Variants in DKK2 observed in about 807,000 individuals in gnomAD.
DKK2 encodes the protein dickkopf-related protein 2.
DKK2 carries 11 observed loss-of-function variants against 28.1 expected under a neutral mutation model. That is an observed-to-expected ratio of 0.39 (90% CI 0.25 to 0.65). DKK2 has a LOEUF of 0.65. Ranked by LOEUF, DKK2 falls within the 30% of genes least tolerant of loss-of-function variation. DKK2 has a pLI of 0.47. For synonymous variants in DKK2, 135 were observed against 126.5 expected, an observed-to-expected ratio of 1.07 and a Z score of -0.45; for missense variants, 326 against 335.5, an observed-to-expected ratio of 0.97 and a Z score of 0.22.
chr4:107,004,726 T>G (rs1723412189), intron 1 of DKK2, among the ~76,000 whole-genome samples: 1 of 152,186 alleles, frequency 6.6e-6, no homozygotes, highest in Non-Finnish European at 1.5e-5. Flanking sequence ...GACTTTTGTA[T>G]GGGAAGGTTA....
At chr4:106,950,932 C>T (rs1426276704) in intron 1 of DKK2, among the ~76,000 whole-genome samples, 1 of 152,054 alleles carries the variant, frequency 6.6e-6, no homozygotes, top group Non-Finnish European at 1.5e-5. Flanking sequence ...CATATATTAC[C>T]AGCCCCGCAA....
At chr4:106,988,803 A>T (rs1438590065) in intron 1 of DKK2, among the ~76,000 whole-genome samples, 1 of 152,200 alleles carries the variant, frequency 6.6e-6, no homozygotes, top group African/African-American at 2.4e-5. Flanking sequence ...TCTCCAATCC[A>T]AGGGTCAACG....
intron 1 of DKK2, among the ~76,000 whole-genome samples, chr4:106,986,926 A>G (rs1157682313): frequency 1.3e-5 from 2 of 152,216 alleles, no homozygotes; most frequent in Non-Finnish European, 2.9e-5. Context: ...CTAAAATTAA[A>G]TACTTTATCC....
At chr4:106,933,160 T>C (rs1019163990) in intron 1 of DKK2, among the ~76,000 whole-genome samples, 1 of 152,140 alleles carries the variant, frequency 6.6e-6, no homozygotes, top group African/African-American at 2.4e-5. Context: ...ACTGTCCTGG[T>C]GATGATACAA....
intron 1 of DKK2, among the ~76,000 whole-genome samples, chr4:107,020,374 A>C (rs989441853): frequency 6.6e-6 from 1 of 152,078 alleles, no homozygotes; most frequent in African/African-American, 2.4e-5. Context: ...CCTCCTGGAA[A>C]GTGATGGGAA....
At chr4:106,994,157 T>C (rs1196011708) in intron 1 of DKK2, among the ~76,000 whole-genome samples, 1 of 152,232 alleles carries the variant, frequency 6.6e-6, no homozygotes, top group Non-Finnish European at 1.5e-5. Context: ...TAAGTTCACA[T>C]ACCATCCTTT....
intron 1 of DKK2, among the ~76,000 whole-genome samples, chr4:107,029,748 G>A (rs1723848200): frequency 6.6e-6 from 1 of 151,900 alleles, no homozygotes; most frequent in Admixed American, 6.6e-5. Flanking sequence ...ATTTTTATTT[G>A]TTTTGTCATT....
Position 107,032,432 on chromosome 4 carries a change from A to G in DKK2, c.222+2938T>C, listed in dbSNP as rs182390923. Among the ~76,000 whole-genome samples the G allele has an allele frequency of 9.9e-5, 15 of 152,182 alleles. No individual in the cohort carries two copies. The East Asian group carries it at 2.9e-3, about 29-fold the overall frequency. ...AGAATTCCTGTAAATAAGAATGTTT[A>G]TCTTTATATGAAATCAGGCAACTTT... is the stretch of plus-strand genomic sequence containing the variant. On this transcript the variant is annotated intron_variant, in intron 1 of 3. Coordinates refer to ENST00000285311, the MANE Select transcript of DKK2 (RefSeq NM_014421.3).
Position 106,979,077 on chromosome 4 carries a change from G to GT in DKK2, c.223-53129dup, listed in dbSNP as rs374755061. 6.2e-3 allele frequency among the ~76,000 whole-genome samples: 932 copies of GT among 149,166 alleles called. 8 individuals are homozygous for GT. Among genetic ancestry groups the GT allele is most frequent in the African/African-American group, 0.019 (783 of 40,722 alleles). ...TCAAAGGTTTTTTGTTTTTGTTTTTGTTTTTTTTTCAGAATTTATAAAACT... is the reference window on the plus strand; with the variant it reads ...TCAAAGGTTTTTTGTTTTTGTTTTTGTTTTTTTTTTCAGAATTTATAAAACT... On this transcript the variant is annotated intron_variant, in intron 1 of 3. Coordinates refer to ENST00000285311, the MANE Select transcript of DKK2 (RefSeq NM_014421.3).
chr4:107,013,143 T>C (rs1723539040), intron 1 of DKK2, among the ~76,000 whole-genome samples: 1 of 151,138 alleles, frequency 6.6e-6, no homozygotes, highest in South Asian at 2.1e-4. Flanking sequence ...GTTTGGGTAA[T>C]CTATTTAAAA....
At chr4:106,930,017 C>T (rs778689479) in intron 1 of DKK2, among the ~76,000 whole-genome samples, 3 of 152,082 alleles carry the variant, frequency 2.0e-5, no homozygotes, top group Non-Finnish European at 4.4e-5. Flanking sequence ...GAAAAATATA[C>T]TTGGCCACAT....
Position 106,982,889 on chromosome 4 carries a change from A to C in DKK2, c.222+52481T>G, listed in dbSNP as rs375098113. Among the ~76,000 whole-genome samples the C allele has an allele frequency of 2.6e-4, 40 of 151,078 alleles. 2 individuals are homozygous for C. Among genetic ancestry groups the C allele is most frequent in the Middle Eastern group, 6.9e-3 (2 of 288 alleles). The stretch of plus-strand genomic sequence containing the variant: ...TCCATCTCAAAAAAAAAAAAAATCA[A>C]TGGAGAAAGCATAGTCGCCTTCTAT... On this transcript the variant is annotated intron_variant, in intron 1 of 3. Coordinates refer to ENST00000285311, the MANE Select transcript of DKK2 (RefSeq NM_014421.3).
chr4:106,995,449 A>G (rs1051398178), intron 1 of DKK2, among the ~76,000 whole-genome samples: 57 of 152,346 alleles, frequency 3.7e-4, no homozygotes, highest in African/African-American at 1.0e-3. Flanking sequence ...TAAGATACAC[A>G]GAACAAATTC....
At chr4:106,934,792 A>G (rs1241445298) in intron 1 of DKK2, among the ~76,000 whole-genome samples, 1 of 152,226 alleles carries the variant, frequency 6.6e-6, no homozygotes, top group Non-Finnish European at 1.5e-5. Flanking sequence ...GAAAAAAGCA[A>G]AGCAAAATAT....
At chr4:106,995,330 A>C (rs1723256462) in intron 1 of DKK2, among the ~76,000 whole-genome samples, 1 of 152,140 alleles carries the variant, frequency 6.6e-6, no homozygotes, top group African/African-American at 2.4e-5. Context: ...TTATAAGTTA[A>C]AATTAAAACC....
chr4:107,005,362 C>A (rs867573600), intron 1 of DKK2, among the ~76,000 whole-genome samples: 1,516 of 124,542 alleles, frequency 0.012, 16 homozygotes, highest in East Asian at 0.031. Context: ...AAAAAAAAAA[C>A]AAAAACAAAA....
At chr4:106,946,532 A>G (rs1724778229) in intron 1 of DKK2, among the ~76,000 whole-genome samples, 1 of 151,906 alleles carries the variant, frequency 6.6e-6, no homozygotes. Flanking sequence ...CAAACAAACA[A>G]AACTACAGAA....
At chr4:106,963,347 T>C (rs1722721152) in intron 1 of DKK2, among the ~76,000 whole-genome samples, 1 of 149,362 alleles carries the variant, frequency 6.7e-6, no homozygotes, top group African/African-American at 2.5e-5. Context: ...AGTTAGACTC[T>C]GTCTAAAAAA....
At chr4:106,963,285 G>C (rs1239262203) in intron 1 of DKK2, among the ~76,000 whole-genome samples, 1 of 149,918 alleles carries the variant, frequency 6.7e-6, no homozygotes, top group Non-Finnish European at 1.5e-5. Flanking sequence ...CCCTGGAGAC[G>C]GAGGTTTCAG....
Sources: gnomAD v4.1 joint callset for allele counts (sites outside exome capture counted in the v4.1 genomes callset) on GRCh38, gnomAD v4.1.1 for gene constraint, MANE v1.5 for transcripts, NCBI Gene and HGNC (gene_info 2026-07-23, HGNC 2026-07-21) for gene names.